FARS2: variants seen among roughly 807,000 people sequenced by gnomAD.
The protein encoded by FARS2 is phenylalanyl-tRNA synthetase 2, mitochondrial.
FARS2 carries 40 observed loss-of-function variants against 46.4 expected under a neutral mutation model. The ratio of observed to expected loss-of-function variants is 0.86; its 90% CI spans 0.67 to 1.12. The LOEUF (loss-of-function observed/expected upper bound fraction) is 1.12. Among genes scored for constraint, FARS2 ranks in the 50% most tolerant of loss-of-function variants. The pLI, the probability that FARS2 is intolerant of heterozygous loss-of-function variation, is 0.00. For missense variants in FARS2, 513 were observed against 567.9 expected, an observed-to-expected ratio of 0.90 and a Z score of 0.98; for synonymous variants, 234 against 214.9, an observed-to-expected ratio of 1.09 and a Z score of -0.78.
At chr6:5,294,915 G>A (rs1767751962) in intron 1 of FARS2, among the ~76,000 whole-genome samples, 1 of 152,108 alleles carries the variant, frequency 6.6e-6, no homozygotes, top group African/African-American at 2.4e-5. Flanking sequence ...TCATGGAAGG[G>A]TCTTAAGACC....
intron 4 of FARS2, among the ~76,000 whole-genome samples, chr6:5,494,935 C>G (rs1767362543): frequency 6.6e-6 from 1 of 152,192 alleles, no homozygotes; most frequent in Non-Finnish European, 1.5e-5. Flanking sequence ...TCATCCCTTT[C>G]TTTTTGACCC....
Position 5,368,796 on chromosome 6 carries a change from A to G in FARS2, c.226A>G (p.Arg76Gly), listed in dbSNP as rs375178804. 5 of 1,614,216 alleles carry G rather than the reference A, an allele frequency of 3.1e-6. No homozygotes were observed. The East Asian group carries it at 1.1e-4, about 36-fold the overall frequency. ...CCGGAAGGTCCTCACCAGAGTTGGC[A>G]GGAACCTGCACAACCAGCAGCATCA... Reference protein sequence around the residue: ...LTRKVLTRVGRNLHNQQHHPL... With the variant: ...LTRKVLTRVGGNLHNQQHHPL... Residue 76 changes from arginine to glycine, a missense_variant, in exon 2 of 7, where the codon AGG becomes GGG. Arg to Gly is a moderately radical substitution (Grantham distance 125). Coordinates refer to ENST00000274680, the MANE Select transcript of FARS2 (RefSeq NM_006567.5).
intron 6 of FARS2, among the ~76,000 whole-genome samples, chr6:5,762,532 G>A (rs555734188): frequency 1.5e-4 from 23 of 152,346 alleles, no homozygotes; most frequent in African/African-American, 5.5e-4. Context: ...GAAGTCACAG[G>A]GAGTGATGGG....
intron 3 of FARS2, among the ~76,000 whole-genome samples, chr6:5,408,956 T>C (rs1265075975): frequency 6.6e-6 from 1 of 152,228 alleles, no homozygotes; most frequent in Non-Finnish European, 1.5e-5. Context: ...ATATAAGCTG[T>C]CCAAGGTGTT....
intron 6 of FARS2, among the ~76,000 whole-genome samples, chr6:5,709,418 G>A (rs1758964544): frequency 6.6e-6 from 1 of 152,132 alleles, no homozygotes; most frequent in African/African-American, 2.4e-5. Flanking sequence ...GGTTCTTACT[G>A]CAAACTACAG....
Position 5,410,405 on chromosome 6 carries a change from A to G in FARS2, c.772+5704A>G, listed in dbSNP as rs961379131. On this transcript the variant is annotated intron_variant, in intron 3 of 6. Coordinates refer to ENST00000274680, the MANE Select transcript of FARS2 (RefSeq NM_006567.5). Reference sequence around the variant, plus strand: ...TCGAACTCCTGACCTCAGGTGATTCACCCACTTTGGACACCCAAAGTGCTG... The same window carrying G: ...TCGAACTCCTGACCTCAGGTGATTCGCCCACTTTGGACACCCAAAGTGCTG... Among the ~76,000 whole-genome samples, 2 of 151,524 alleles carry G rather than the reference A, an allele frequency of 1.3e-5. 1 individual carries two copies. The highest frequency in any genetic ancestry group is 4.9e-5 in the African/African-American group (2 of 41,216).
At chr6:5,676,057 T>G (rs1410449618) in intron 6 of FARS2, among the ~76,000 whole-genome samples, 1 of 152,074 alleles carries the variant, frequency 6.6e-6, no homozygotes, top group African/African-American at 2.4e-5. Context: ...ACTATTAAAT[T>G]TGGTTAGGCT....
intron 6 of FARS2, among the ~76,000 whole-genome samples, chr6:5,663,479 C>G (rs941675894): frequency 3.3e-5 from 5 of 152,192 alleles, no homozygotes; most frequent in African/African-American, 1.2e-4. Flanking sequence ...CAGGGCTTGC[C>G]TTTGGGGCCA....
Position 5,340,916 on chromosome 6 carries a change from G to A in FARS2, c.-21-27634G>A, listed in dbSNP as rs1473882723. On this transcript the variant is annotated intron_variant, in intron 1 of 6. Transcript: ENST00000274680. ...TAATCCCAGCACTTTGGGAGGCCGA[G>A]GCGGGCGGATCACAAGGTCAGAAGT... Among the ~76,000 whole-genome samples the A allele has an allele frequency of 2.6e-5, 4 of 151,866 alleles. No individual in the cohort carries two copies. The East Asian group carries it at 7.8e-4, about 29-fold the overall frequency.
chr6:5,317,524 T>C (rs1011487791), intron 1 of FARS2, among the ~76,000 whole-genome samples: 1 of 152,178 alleles, frequency 6.6e-6, no homozygotes, highest in Non-Finnish European at 1.5e-5. Context: ...TTCATGCCTG[T>C]AATCCCAGCA....
intron 6 of FARS2, among the ~76,000 whole-genome samples, chr6:5,686,448 T>C (rs563696703): frequency 1.3e-5 from 2 of 152,024 alleles, no homozygotes; most frequent in South Asian, 2.1e-4. Context: ...TGAGAACATG[T>C]GGTGTTCGGT....
At position 5,765,722 on chromosome 6, in the gene FARS2, C is replaced by T. The variant is rs1762718498; in HGVS notation, c.1218-5569C>T. 6.6e-6 allele frequency among the ~76,000 whole-genome samples: 1 copy of T among 152,158 alleles called. No homozygotes were observed. The highest frequency in any genetic ancestry group is 1.5e-5 in the Non-Finnish European group (1 of 68,032). Reference sequence around the variant, plus strand: ...AGCCCCTCCTGCTGTCATGGGCGTACTAGGGAACAGTCCTTTGCTCAGCCG... The same window carrying T: ...AGCCCCTCCTGCTGTCATGGGCGTATTAGGGAACAGTCCTTTGCTCAGCCG... On this transcript the variant is annotated intron_variant, in intron 6 of 6. Transcript: ENST00000274680. This position sits in a 1 kb window ranked among gnomAD's most constrained non-coding sequence, Gnocchi z 4.0.
chr6:5,588,935 C>T (rs983958059), intron 5 of FARS2, among the ~76,000 whole-genome samples: 6 of 152,170 alleles, frequency 3.9e-5, no homozygotes, highest in Non-Finnish European at 8.8e-5. Flanking sequence ...GGGCCATTTT[C>T]GAGGAATTAA....
intron 1 of FARS2, among the ~76,000 whole-genome samples, chr6:5,365,918 A>G (rs746378533): frequency 1.8e-4 from 27 of 152,282 alleles, no homozygotes; most frequent in Middle Eastern, 3.4e-3. Flanking sequence ...AGATCATCCT[A>G]AAGATCTTTA....
At chr6:5,283,339 C>G (rs963006036) in intron 1 of FARS2, among the ~76,000 whole-genome samples, 1 of 147,896 alleles carries the variant, frequency 6.8e-6, no homozygotes, top group African/African-American at 2.5e-5. Context: ...TGCCATTTCA[C>G]TCCAGCCTGT....
chr6:5,626,595 C>T (rs1484376900), intron 6 of FARS2, among the ~76,000 whole-genome samples: 1 of 152,182 alleles, frequency 6.6e-6, no homozygotes. Context: ...CTCCCACATC[C>T]TCCTTAGGCT....
At chr6:5,260,590 A>ACCCCCCGT, upstream of FARS2, 1 of 1,270,492 alleles carries the variant, frequency 7.9e-7, no homozygotes, top group Non-Finnish European at 1.1e-6. Context: ...GTCAGCCCGC[A>ACCCCCCGT]CCCCCGGTCC....
At position 5,565,360 on chromosome 6, in the gene FARS2, TGTAC is replaced by T. The variant is rs561542610; in HGVS notation, c.1065+20021_1065+20024del. On this transcript the variant is annotated intron_variant, in intron 5 of 6. Coordinates refer to ENST00000274680, the MANE Select transcript of FARS2 (RefSeq NM_006567.5). ...CAACATGTCAGTTTTTTATGAGCTC[TGTAC>T]TTTCTTTATTTCAATATTACAATCT... Among the ~76,000 whole-genome samples, 151 of 152,302 alleles carry T rather than the reference TGTAC, an allele frequency of 9.9e-4. 1 individual carries two copies. The highest frequency in any genetic ancestry group is 3.3e-3 in the African/African-American group (139 of 41,546).
chr6:5,759,617 C>A (rs1762385606), intron 6 of FARS2, among the ~76,000 whole-genome samples: 1 of 152,106 alleles, frequency 6.6e-6, no homozygotes, highest in Admixed American at 6.5e-5. Flanking sequence ...CGACTCTGAC[C>A]ACCAGTGGTC....
Sources: allele counts gnomAD v4.1 joint callset (sites outside exome capture counted in the v4.1 genomes callset), GRCh38; gene constraint gnomAD v4.1.1; non-coding constraint Gnocchi (gnomAD v3.1); transcripts MANE v1.5; gene names NCBI Gene and HGNC (gene_info 2026-07-23, HGNC 2026-07-21).